SNTG1: variants seen among roughly 807,000 people sequenced by gnomAD.
The protein encoded by SNTG1 is syntrophin gamma 1.
In SNTG1, 39 loss-of-function variants were observed where a neutral mutation model predicts 74.7. The observed-to-expected ratio is 0.52, with a 90% CI of 0.40 to 0.68. SNTG1 has a LOEUF of 0.68. Ranked by LOEUF, SNTG1 falls within the 30% of genes least tolerant of loss-of-function variation. The pLI, the probability that SNTG1 is intolerant of heterozygous loss-of-function variation, is 0.00. For synonymous variants in SNTG1, 254 were observed against 217.1 expected, an observed-to-expected ratio of 1.17 and a Z score of -1.49; for missense variants, 685 against 609.5, an observed-to-expected ratio of 1.12 and a Z score of -1.30.
At chr8:50,151,262 C>T (rs1014034351) in intron 1 of SNTG1, among the ~76,000 whole-genome samples, 4 of 152,104 alleles carry the variant, frequency 2.6e-5, no homozygotes, top group Non-Finnish European at 5.9e-5. Flanking sequence ...GTGATATCCC[C>T]TTTATCATTT....
At chr8:50,341,332 T>G (rs1426894747) in intron 2 of SNTG1, among the ~76,000 whole-genome samples, 4 of 151,972 alleles carry the variant, frequency 2.6e-5, no homozygotes, top group African/African-American at 9.7e-5. Flanking sequence ...GACTAACATA[T>G]TTTTTCTCTG....
rs1822353044 is a variant in SNTG1 at position 50,081,018 on chromosome 8, C to T, written c.-102-91543C>T. ...ATCTATATGTTATAAACTCCAATTA[C>T]AGTGTCATGATTATCTATGTATAAT... is the stretch of plus-strand genomic sequence containing the variant. On this transcript the variant is annotated intron_variant, in intron 1 of 18. Coordinates refer to ENST00000642720, the MANE Select transcript of SNTG1 (RefSeq NM_018967.5). 2.6e-5 allele frequency among the ~76,000 whole-genome samples: 4 copies of T among 152,044 alleles called. No individual in the cohort carries two copies. In the South Asian group the frequency reaches 6.2e-4, roughly 24 times the overall value.
chr8:50,484,080 T>TTTTATTTCTCTC (rs1330894384), intron 8 of SNTG1, among the ~76,000 whole-genome samples: 17 of 117,568 alleles, frequency 1.4e-4, no homozygotes, highest in South Asian at 1.1e-3. Context: ...TCTTTTCTCT[T>TTTTATTTCTCTC]TTTCTTTCTC....
chr8:50,394,188 C>G (rs754952780), intron 2 of SNTG1, 24 bp from the exon 3 acceptor site: 1 of 1,601,456 alleles, frequency 6.2e-7, no homozygotes, highest in African/African-American at 1.3e-5. Flanking sequence ...TGCCTAATGG[C>G]TTACCATTTC....
At chr8:50,127,019 AG>A (rs1433683802) in intron 1 of SNTG1, among the ~76,000 whole-genome samples, 1 of 152,188 alleles carries the variant, frequency 6.6e-6, no homozygotes, top group African/African-American at 2.4e-5. Flanking sequence ...CTCCCCAGTC[AG>A]GGATAAAAAT....
At chr8:50,708,470 T>G (rs2095451554) in intron 16 of SNTG1, 1 of 160,730 alleles carries the variant, frequency 6.2e-6, no homozygotes, top group Non-Finnish European at 1.3e-5. Context: ...ATCCTGAGAA[T>G]TCAAGACAGT....
At chr8:50,197,435 T>C (rs917453491) in intron 2 of SNTG1, among the ~76,000 whole-genome samples, 4 of 152,178 alleles carry the variant, frequency 2.6e-5, no homozygotes, top group Non-Finnish European at 4.4e-5. Context: ...AACTTGTCTC[T>C]GTTAATAGGT....
intron 2 of SNTG1, among the ~76,000 whole-genome samples, chr8:50,186,132 A>C (rs1297343949): frequency 6.6e-6 from 1 of 152,134 alleles, no homozygotes; most frequent in African/African-American, 2.4e-5. Context: ...TTTGCTGAGG[A>C]TGATGGCTGC....
In SNTG1 at chr8:50,347,984, GAA is replaced by G. The variant is rs2091532298; in HGVS notation, c.-27-46226_-27-46225del. 1.7e-4 allele frequency among the ~76,000 whole-genome samples: 26 copies of G among 152,118 alleles called. 2 individuals carry two copies. Among genetic ancestry groups the G allele is most frequent in the Admixed American group, 4.6e-4 (7 of 15,272 alleles). ...AGGATGTTTGCTTTCACTTCCCCAA[GAA>G]ACATTTTTACATACTGTAAGGTTGA... On this transcript the variant is annotated intron_variant, in intron 2 of 18. Transcript: ENST00000642720.
chr8:50,453,606 T>C (rs1018688198), intron 8 of SNTG1, among the ~76,000 whole-genome samples: 4 of 152,226 alleles, frequency 2.6e-5, no homozygotes, highest in Non-Finnish European at 5.9e-5. Flanking sequence ...TATCACTCTA[T>C]TATGTATTCA....
At position 50,610,234 on chromosome 8, in the gene SNTG1, G is replaced by C. The variant is rs550296132; in HGVS notation, c.849+19317G>C. On this transcript the variant is annotated intron_variant, in intron 13 of 18. Transcript: ENST00000642720. ...TTTTATTTTTTGCTTGACTTCCTTG[G>C]GCCCAGTTCTCTATTTTAATGGCTA... Among the ~76,000 whole-genome samples the C allele has an allele frequency of 2.4e-4, 36 of 151,944 alleles. No individual in the cohort carries two copies. The South Asian group carries it at 7.5e-3, about 32-fold the overall frequency.
At chr8:50,662,438 C>A (rs983475927) in intron 15 of SNTG1, among the ~76,000 whole-genome samples, 1 of 152,126 alleles carries the variant, frequency 6.6e-6, no homozygotes, top group African/African-American at 2.4e-5. Context: ...TATATGAATT[C>A]AGTTTGTATT....
At chr8:49,975,618 C>A (rs1212380356) in intron 1 of SNTG1, among the ~76,000 whole-genome samples, 1 of 152,018 alleles carries the variant, frequency 6.6e-6, no homozygotes, top group Non-Finnish European at 1.5e-5. Flanking sequence ...AGATAGCTCT[C>A]CAATAACTAT....
chr8:50,381,860 G>A (rs2092493830), intron 2 of SNTG1: 1 of 136,130 alleles, frequency 7.3e-6, no homozygotes, highest in African/African-American at 2.6e-5. Context: ...ATATGAAGGG[G>A]AGTTTATTAA....
chr8:50,530,404 T>A (rs111304917), intron 10 of SNTG1, 145 bp downstream of exon 10: 12 of 827,336 alleles, frequency 1.5e-5, no homozygotes, highest in Non-Finnish European at 2.2e-5. Context: ...AAATGCAAAA[T>A]AAATAGATCA....
chr8:50,685,610 A>C (rs1165780668), intron 15 of SNTG1, among the ~76,000 whole-genome samples: 1 of 152,220 alleles, frequency 6.6e-6, no homozygotes, highest in Non-Finnish European at 1.5e-5. Context: ...TTTCCATAAA[A>C]ACATTTCATA....
At chr8:50,273,839 GA>G (rs2087926023) in intron 2 of SNTG1, among the ~76,000 whole-genome samples, 2 of 152,100 alleles carry the variant, frequency 1.3e-5, no homozygotes, top group South Asian at 4.1e-4. Context: ...AGTGATGAGA[GA>G]AAAGTCAGAT....
At chr8:50,712,235 CA>C (rs1303119458) in intron 17 of SNTG1, among the ~76,000 whole-genome samples, 1 of 151,988 alleles carries the variant, frequency 6.6e-6, no homozygotes, top group Admixed American at 6.6e-5. Context: ...TGAGGATGGA[CA>C]TGGAATTTGA....
chr8:50,557,138 C>A (rs534780652), intron 12 of SNTG1, among the ~76,000 whole-genome samples: 1 of 151,798 alleles, frequency 6.6e-6, no homozygotes, highest in East Asian at 1.9e-4. Flanking sequence ...CAGCATGCAC[C>A]CCCACTTCTT....
Sources: gnomAD v4.1 joint callset for allele counts (sites outside exome capture counted in the v4.1 genomes callset) on GRCh38, gnomAD v4.1.1 for gene constraint, MANE v1.5 for transcripts, NCBI Gene and HGNC (gene_info 2026-07-23, HGNC 2026-07-21) for gene names.